Variants in SSH1 observed in about 807,000 individuals in gnomAD.
SSH1 encodes the protein slingshot protein phosphatase 1.
In SSH1, 43 loss-of-function variants were observed where a neutral mutation model predicts 79.7. That is an observed-to-expected ratio of 0.54 (90% confidence interval 0.42 to 0.70). The LOEUF (loss-of-function observed/expected upper bound fraction) is 0.70, where lower values mean the gene tolerates loss of function less well. SSH1 is among the 30% of genes least tolerant of loss of function. The probability of loss-of-function intolerance (pLI) is 0.00; values close to 1 mark genes in which losing one functional copy is unlikely to be tolerated. For missense variants in SSH1, 1,206 were observed against 1,358.8 expected, an observed-to-expected ratio of 0.89 and a Z score of 1.77; for synonymous variants, 599 against 538.3, an observed-to-expected ratio of 1.11 and a Z score of -1.56.
intron 2 of SSH1, among the ~76,000 whole-genome samples, chr12:108,839,865 CACTGAAAATGATGGCCACTGGGTA>C (rs1436313999): frequency 2.6e-5 from 4 of 152,240 alleles, no homozygotes; most frequent in African/African-American, 9.6e-5. Flanking sequence ...GAAGGGCTGG[CACTGAAAATGATGGCCACTGGGTA>C]TAGGCCAGGG....
chr12:108,800,811 T>G lies in SSH1; in HGVS notation c.1117A>C (p.Asn373His). Residue 373 changes from asparagine to histidine, a missense_variant, in exon 12 of 15, where the codon AAT becomes CAT. Around this residue, in one of 5 missense-constraint regions of SSH1, gnomAD observed 166 missense variants for 262.9 expected, o/e 0.63. Coordinates refer to ENST00000326495, the MANE Select transcript of SSH1 (RefSeq NM_018984.4). ...TTGTTTATAAAATGATACGCTTCAT[T>G]CCAGTGGGCGAGGAGGTCTGTGGTC... is the stretch of plus-strand genomic sequence containing the variant. Reference protein sequence around the residue: ...EETTDLLAHWNEAYHFINKAK... With the variant: ...EETTDLLAHWHEAYHFINKAK... 1 of 1,614,140 alleles carries G rather than the reference T, an allele frequency of 6.2e-7. No individual in the cohort carries two copies. Among genetic ancestry groups the G allele is most frequent in the Non-Finnish European group, 8.5e-7 (1 of 1,180,016 alleles).
chr12:108,778,263 A>AT lies in SSH1; in HGVS notation c.*9724dup, dbSNP rs999010690. On this transcript the variant is annotated 3_prime_UTR_variant, in exon 15 of 15. Transcript: ENST00000326495. ...GCCCACAAGTTAAACAAACGCACGC[A>AT]TAAGTCCACAGGGGCTCCTTTTCAT... is the stretch of plus-strand genomic sequence containing the variant. 1.3e-5 allele frequency: 2 copies of AT among 152,194 alleles called. No individual in the cohort carries two copies. Among genetic ancestry groups the AT allele is most frequent in the African/African-American group, 2.4e-5 (1 of 41,434 alleles). The allele number at this position is 152,194 out of a possible 1,614,324, so 9.4% of individuals were successfully genotyped here. A position where few individuals can be genotyped will look rare whatever the true frequency, so the allele number is the denominator to read the frequency against.
At chr12:108,816,927 T>A in intron 5 of SSH1, 111 bp downstream of exon 5, 1 of 1,544,350 alleles carries the variant, frequency 6.5e-7, no homozygotes, top group Non-Finnish European at 8.9e-7. Flanking sequence ...AGGCTCTCCA[T>A]CAGGACGCAG....
rs756217307 is a variant in SSH1, at chr12:108,788,617, G to A, written c.2521C>T (p.Pro841Ser). 3 of 1,610,726 alleles carry A rather than the reference G, an allele frequency of 1.9e-6. No individual in the cohort carries two copies. The highest frequency in any genetic ancestry group is 2.2e-5 in the East Asian group (1 of 44,790). The change falls in exon 15 of 15, where the codon CCT becomes TCT. Residue 841 changes from proline to serine, a missense_variant. By Grantham distance (74) the Pro-to-Ser change is moderately conservative. Coordinates refer to ENST00000326495, the MANE Select transcript of SSH1 (RefSeq NM_018984.4). The part of the protein sequence containing the change: ...RLKSVPADPA[P>S]PSRDGPASRL... Reference sequence around the variant, plus strand: ...CTGGCAGGGCCATCCCTGGAGGGAGGTGCTGGGTCTGCAGGCACGCTCTTC... The same window carrying A: ...CTGGCAGGGCCATCCCTGGAGGGAGATGCTGGGTCTGCAGGCACGCTCTTC...
intron 1 of SSH1, among the ~76,000 whole-genome samples, chr12:108,854,885 T>A (rs531760960): frequency 6.6e-6 from 1 of 152,258 alleles, no homozygotes; most frequent in South Asian, 2.1e-4. Context: ...ACACTTGCTG[T>A]CTCCATCCCA....
chr12:108,797,508 T>C (rs531686980), intron 13 of SSH1, among the ~76,000 whole-genome samples: 3 of 152,268 alleles, frequency 2.0e-5, no homozygotes, highest in South Asian at 2.1e-4. Flanking sequence ...TTTTTACCAA[T>C]TGAATGTTGC....
intron 2 of SSH1, among the ~76,000 whole-genome samples, chr12:108,825,604 A>C (rs372871264): frequency 1.3e-5 from 2 of 152,260 alleles, no homozygotes; most frequent in East Asian, 3.9e-4. Flanking sequence ...ATATCTTGTG[A>C]CACCAATACT....
chr12:108,808,169 C>T (rs1045960742), intron 7 of SSH1, among the ~76,000 whole-genome samples: 3 of 152,192 alleles, frequency 2.0e-5, no homozygotes, highest in Admixed American at 6.5e-5. Context: ...AATTCCTAGC[C>T]TCAAGTGATC....
intron 9 of SSH1, 84 bp from the exon 10 acceptor site, chr12:108,805,268 CTG>C (rs1416315956): frequency 5.3e-6 from 8 of 1,506,852 alleles, no homozygotes; most frequent in Middle Eastern, 2.3e-4. Context: ...ACAATGGAAA[CTG>C]TGCCTATTTC....
chr12:108,806,449 A>C, intron 8 of SSH1, 55 bp from the exon 9 acceptor site: 1 of 1,531,354 alleles, frequency 6.5e-7, no homozygotes, highest in Non-Finnish European at 9.1e-7. Flanking sequence ...TTGTGGTCGG[A>C]GGTTACAGGA....
intron 13 of SSH1, among the ~76,000 whole-genome samples, chr12:108,793,633 C>T (rs1039717797): frequency 4.6e-5 from 7 of 152,006 alleles, no homozygotes; most frequent in Admixed American, 1.3e-4. Flanking sequence ...TGGTCTCAAG[C>T]GATCCTCCTA....
At chr12:108,853,246 G>C in intron 1 of SSH1, 1 of 985,280 alleles carries the variant, frequency 1.0e-6, no homozygotes, top group Non-Finnish European at 1.2e-6. Flanking sequence ...CTAGGCTATC[G>C]GTTTATTTAT....
chr12:108,855,497 G>GT (rs1233221124), intron 1 of SSH1, among the ~76,000 whole-genome samples: 2 of 152,192 alleles, frequency 1.3e-5, no homozygotes, highest in African/African-American at 4.8e-5. Flanking sequence ...TTTATGGTAT[G>GT]TAACTAAAAA....
chr12:108,835,313 C>G (rs997034691), intron 2 of SSH1, among the ~76,000 whole-genome samples: 1 of 152,160 alleles, frequency 6.6e-6, no homozygotes, highest in Non-Finnish European at 1.5e-5. Context: ...TGGTGTCGTG[C>G]TCCTGTAATC....
intron 2 of SSH1, among the ~76,000 whole-genome samples, chr12:108,836,111 T>C (rs913490387): frequency 6.7e-6 from 1 of 149,142 alleles, no homozygotes; most frequent in Non-Finnish European, 1.5e-5. Context: ...ATAATATGCA[T>C]AATGTTAATA....
chr12:108,799,282 C>T (rs1319537018), intron 12 of SSH1, 82 bp from the exon 13 acceptor site: 4 of 1,190,952 alleles, frequency 3.4e-6, no homozygotes, highest in South Asian at 1.4e-5. Context: ...CAACTTCATT[C>T]TCTCAGGTTT....
rs372087420 is a variant in SSH1, at chr12:108,799,235, G to A, written c.1149-35C>T. The stretch of plus-strand genomic sequence containing the variant: ...TGGGAGCAGTTGGGGAGGAGAGATG[G>A]GGGAGAAGCAGTGGGGAAGGAGTTA... On this transcript the variant is annotated intron_variant, in intron 12 of 14. Transcript: ENST00000326495. 2.7e-5 allele frequency: 43 copies of A among 1,571,556 alleles called. No homozygotes were observed. In the African/African-American group the frequency reaches 4.6e-4, roughly 17 times the overall value.
intron 8 of SSH1, 149 bp from the exon 9 acceptor site, chr12:108,806,543 G>C: frequency 4.0e-6 from 3 of 754,594 alleles, no homozygotes; most frequent in Non-Finnish European, 4.7e-6. Flanking sequence ...AGGCAGCAGG[G>C]AGAGGTGCAC....
rs1866867969 is a variant in SSH1 at position 108,780,060 on chromosome 12, A to G, written c.*7928T>C. 1.3e-5 allele frequency: 2 copies of G among 152,248 alleles called. No homozygotes were observed. 9.4% of individuals were successfully genotyped at this position (152,248 alleles called of 1,614,324 possible). On this transcript the variant is annotated 3_prime_UTR_variant, in exon 15 of 15. Coordinates refer to ENST00000326495, the MANE Select transcript of SSH1 (RefSeq NM_018984.4). ...GGATTCTTTATGTAAAGCACATAGA[A>G]GGTATGTGATAAACATAACCTGGTT...
Sources: gnomAD v4.1 joint callset for allele counts (sites outside exome capture counted in the v4.1 genomes callset) on GRCh38, gnomAD v4.1.1 for gene constraint, gnomAD v4.1.1 regional missense constraint, MANE v1.5 for transcripts, NCBI Gene and HGNC (gene_info 2026-07-23, HGNC 2026-07-21) for gene names.